The following RANBP2 variants were observed in gnomAD, a reference collection of about 807,000 sequenced individuals.
RANBP2 encodes the protein RAN binding protein 2, also known as E3 SUMO-protein ligase RanBP2.
A neutral mutation model predicts 303.6 loss-of-function variants in RANBP2; 57 were observed. That is an observed-to-expected ratio of 0.19 (90% confidence interval 0.15 to 0.23). RANBP2 has a LOEUF of 0.23. RANBP2 is among the 10% of genes least tolerant of loss of function. The pLI, the probability that RANBP2 is intolerant of heterozygous loss-of-function variation, is 1.00. For synonymous variants in RANBP2, 1,167 were observed against 1,301.5 expected, an observed-to-expected ratio of 0.90 and a Z score of 2.23; for missense variants, 3,138 against 3,780.8, an observed-to-expected ratio of 0.83 and a Z score of 4.46.
the RANBP2 span, among the ~76,000 whole-genome samples, chr2:109,631,742 G>A: frequency 1.1e-4 from 16 of 151,660 alleles, no homozygotes; most frequent in African/African-American, 3.7e-4. Flanking sequence ...GGTAACAAGA[G>A]CGAAACTCAG....
chr2:109,139,586 T>C, the RANBP2 span, among the ~76,000 whole-genome samples: 27 of 152,324 alleles, frequency 1.8e-4, no homozygotes, highest in African/African-American at 6.3e-4. Context: ...GTGTTCCTTA[T>C]GGAATTGGGA....
chr2:109,449,614 TAGATGAACCAGGCGTGTGACAG>T, the RANBP2 span: 2 of 1,233,384 alleles, frequency 1.6e-6, no homozygotes, highest in South Asian at 3.1e-5. Context: ...TGCCTGCCCC[TAGATGAACCAGGCGTGTGACAG>T]AGAGGGAGCC....
chr2:109,650,416 G>C, the RANBP2 span, among the ~76,000 whole-genome samples: 1 of 152,190 alleles, frequency 6.6e-6, no homozygotes, highest in African/African-American at 2.4e-5. Flanking sequence ...GGACTATGGG[G>C]GAGGGCCTGC....
chr2:109,116,390 A>G, the RANBP2 span, among the ~76,000 whole-genome samples: 4 of 152,056 alleles, frequency 2.6e-5, no homozygotes, highest in Non-Finnish European at 5.9e-5. Context: ...TTCATCTTCC[A>G]TCACTGATAC....
chr2:109,485,736 C>T, the RANBP2 span, among the ~76,000 whole-genome samples: 2 of 152,262 alleles, frequency 1.3e-5, no homozygotes, highest in Admixed American at 6.5e-5. Context: ...TGTGTAAGCA[C>T]ACAAACACAC....
chr2:109,470,762 CT>C, the RANBP2 span, among the ~76,000 whole-genome samples: 3 of 152,232 alleles, frequency 2.0e-5, no homozygotes, highest in Non-Finnish European at 4.4e-5. Context: ...TCAGCCACCC[CT>C]GTTCCACAGG....
At chr2:109,460,633 G>A in the RANBP2 span, among the ~76,000 whole-genome samples, 16 of 152,232 alleles carry the variant, frequency 1.1e-4, no homozygotes, top group African/African-American at 1.7e-4. Flanking sequence ...ACCCTTTGGT[G>A]AGCATTTAAA....
rs777657282 is a variant in RANBP2 at position 108,781,426 on chromosome 2, A to G, written c.8757A>G (p.Pro2919=). ...ATTTTGAACCAATAGTGTCACTACC[A>G]GAGGTAAATGTTAAGGAATTAACCT... is the stretch of plus-strand genomic sequence containing the variant. ...DIHFEPIVSL[P]EVEVKSGEED... The change falls in exon 26 of 29, where the codon CCA becomes CCG. Residue 2919 remains proline (P), a synonymous_variant. Coordinates refer to ENST00000283195, the MANE Select transcript of RANBP2 (RefSeq NM_006267.5). 2 of 1,614,088 alleles carry G rather than the reference A, an allele frequency of 1.2e-6. No individual in the cohort carries two copies. Among genetic ancestry groups the G allele is most frequent in the South Asian group, 2.2e-5 (2 of 91,088 alleles).
At chr2:109,427,382 A>G in the RANBP2 span, among the ~76,000 whole-genome samples, 29 of 152,356 alleles carry the variant, frequency 1.9e-4, 1 homozygote, top group East Asian at 3.9e-3. Flanking sequence ...TGGTAAACCA[A>G]AAATTCGGGT....
the RANBP2 span, among the ~76,000 whole-genome samples, chr2:108,807,448 G>A: frequency 6.6e-6 from 1 of 152,116 alleles, no homozygotes; most frequent in Non-Finnish European, 1.5e-5. Context: ...AATGTGTAAT[G>A]ATCACAGTAA....
the RANBP2 span, chr2:109,613,925 G>C: frequency 2.0e-5 from 24 of 1,222,804 alleles, no homozygotes; most frequent in Admixed American, 4.3e-5. Context: ...CAGAAGCAAC[G>C]GGCGGGGCGC....
chr2:109,643,294 G>A, the RANBP2 span, among the ~76,000 whole-genome samples: 1 of 152,130 alleles, frequency 6.6e-6, no homozygotes, highest in Non-Finnish European at 1.5e-5. Context: ...AATTGTCAGA[G>A]GCGTTTGAAC....
At chr2:109,111,634 T>C in the RANBP2 span, among the ~76,000 whole-genome samples, 1 of 151,834 alleles carries the variant, frequency 6.6e-6, no homozygotes, top group African/African-American at 2.4e-5. Context: ...TTTAAAATTT[T>C]TGTTATTATT....
chr2:109,628,941 C>T, the RANBP2 span, among the ~76,000 whole-genome samples: 6 of 152,118 alleles, frequency 3.9e-5, no homozygotes, highest in East Asian at 3.9e-4. Context: ...CAGTGGCTCA[C>T]GCCTGTAATC....
At chr2:108,885,870 G>T in the RANBP2 span, among the ~76,000 whole-genome samples, 150,840 of 152,370 alleles carry the variant, frequency 0.99, 74,669 homozygotes, top group Middle Eastern at 1. Context: ...ACATTTGTCT[G>T]TTTTGCTTGG....
the RANBP2 span, among the ~76,000 whole-genome samples, chr2:108,910,060 G>A: frequency 4.6e-5 from 7 of 152,332 alleles, no homozygotes; most frequent in African/African-American, 1.7e-4. Context: ...TCATCACCAC[G>A]GTTGTTACCA....
chr2:108,728,675 T>G (rs1434973824), intron 1 of RANBP2, among the ~76,000 whole-genome samples: 1 of 151,968 alleles, frequency 6.6e-6, no homozygotes, highest in Admixed American at 6.6e-5. Context: ...TCGCCCAGGC[T>G]GGAGTGCAAT....
intron 17 of RANBP2, among the ~76,000 whole-genome samples, chr2:108,755,844 C>G (rs1188357426): frequency 2.0e-5 from 3 of 151,998 alleles, no homozygotes; most frequent in Non-Finnish European, 2.9e-5. Context: ...CTGCCTCAGC[C>G]TCCTGAGTAG....
the RANBP2 span, chr2:109,436,929 T>C: frequency 4.3e-6 from 7 of 1,613,546 alleles, no homozygotes; most frequent in Non-Finnish European, 5.1e-6. Flanking sequence ...CCCGGAATAA[T>C]GTAGTCGGAG....
Sources: gnomAD v4.1 joint callset for allele counts (sites outside exome capture counted in the v4.1 genomes callset) on GRCh38, gnomAD v4.1.1 for gene constraint, MANE v1.5 for transcripts, NCBI Gene and HGNC (gene_info 2026-07-23, HGNC 2026-07-21) for gene names.